Variants in RASGRP1 observed in about 807,000 individuals in gnomAD.
RASGRP1 encodes the protein RAS guanyl releasing protein 1.
A neutral mutation model predicts 95.1 loss-of-function variants in RASGRP1; 37 were observed. The ratio of observed to expected loss-of-function variants is 0.39; its 90% CI spans 0.30 to 0.51. The LOEUF is 0.51. Among genes scored for constraint, RASGRP1 ranks in the 20% least tolerant of loss-of-function variants. The pLI, the probability that RASGRP1 is intolerant of heterozygous loss-of-function variation, is 0.80. For missense variants in RASGRP1, 711 were observed against 965.4 expected (o/e 0.74, Z 3.49); for synonymous variants, 325 against 353.4 (o/e 0.92, Z 0.90).
At chr15:38,546,785 A>G (rs1194411257) in intron 2 of RASGRP1, among the ~76,000 whole-genome samples, 1 of 152,204 alleles carries the variant, frequency 6.6e-6, no homozygotes, top group Non-Finnish European at 1.5e-5. Flanking sequence ...TGGGGAAGAC[A>G]CACGACACTA....
chr15:38,508,342 A>G (rs972666444), intron 8 of RASGRP1, among the ~76,000 whole-genome samples: 1 of 152,184 alleles, frequency 6.6e-6, no homozygotes, highest in Non-Finnish European at 1.5e-5. Context: ...ATATATAGTG[A>G]ACACTATCCC....
intron 1 of RASGRP1, among the ~76,000 whole-genome samples, 200 bp downstream of exon 1, chr15:38,564,394 A>G (rs1893945007): frequency 6.6e-6 from 1 of 151,628 alleles, no homozygotes; most frequent in Non-Finnish European, 1.5e-5. Context: ...CCTCAGCCCC[A>G]GCTCCCTCCC....
At chr15:38,535,733 T>C (rs1892618929) in intron 2 of RASGRP1, among the ~76,000 whole-genome samples, 2 of 152,212 alleles carry the variant, frequency 1.3e-5, no homozygotes, top group African/African-American at 2.4e-5. Flanking sequence ...GGATGAGCAG[T>C]TGAAGTCTAT....
intron 1 of RASGRP1, chr15:38,560,329 C>T: frequency 3.1e-6 from 1 of 325,866 alleles, no homozygotes; most frequent in South Asian, 3.4e-5. Flanking sequence ...GCAATGTATA[C>T]ATTTTTTCAG....
At chr15:38,552,968 A>G (rs1421222282) in intron 2 of RASGRP1, among the ~76,000 whole-genome samples, 1 of 152,250 alleles carries the variant, frequency 6.6e-6, no homozygotes, top group African/African-American at 2.4e-5. Context: ...GCTCTTACAC[A>G]GACCTCTGAC....
intron 6 of RASGRP1, among the ~76,000 whole-genome samples, chr15:38,513,182 T>C (rs1891610023): frequency 6.6e-6 from 1 of 152,226 alleles, no homozygotes. Flanking sequence ...ACATCGAAAG[T>C]TATTAGGAAT....
At chr15:38,546,357 G>C (rs780750781) in intron 2 of RASGRP1, among the ~76,000 whole-genome samples, 1 of 152,032 alleles carries the variant, frequency 6.6e-6, no homozygotes, top group South Asian at 2.1e-4. Context: ...ATTCTGTTGC[G>C]GCTGGGGCTA....
chr15:38,511,811 G>T, intron 7 of RASGRP1, 91 bp from the exon 8 acceptor site: 1 of 880,222 alleles, frequency 1.1e-6, no homozygotes, highest in South Asian at 1.5e-5. Flanking sequence ...TGTGCCGTGA[G>T]TCTCCCTTAC....
chr15:38,512,759 A>G, intron 7 of RASGRP1, 24 bp downstream of exon 7: 2 of 1,613,120 alleles, frequency 1.2e-6, no homozygotes, highest in Non-Finnish European at 1.7e-6. Flanking sequence ...AGCCCAAGCC[A>G]AATGTCTTAA....
chr15:38,557,459 G>C (rs769954510), intron 2 of RASGRP1, among the ~76,000 whole-genome samples: 1 of 152,150 alleles, frequency 6.6e-6, no homozygotes, highest in Non-Finnish European at 1.5e-5. Flanking sequence ...CCCTTGGCCC[G>C]TGAGGGACTT....
intron 3 of RASGRP1, among the ~76,000 whole-genome samples, chr15:38,525,562 G>A (rs1390239020): frequency 1.3e-5 from 2 of 152,110 alleles, no homozygotes; most frequent in Non-Finnish European, 2.9e-5. Flanking sequence ...CAGTCCTGAT[G>A]GTTTTTATTT....
chr15:38,521,719 GC>G (rs1892009127), intron 3 of RASGRP1, among the ~76,000 whole-genome samples: 1 of 152,070 alleles, frequency 6.6e-6, no homozygotes, highest in Non-Finnish European at 1.5e-5. Flanking sequence ...TAGTACTGTG[GC>G]TATAAAGTAC....
intron 16 of RASGRP1, among the ~76,000 whole-genome samples, chr15:38,490,957 A>G (rs1890551300): frequency 6.6e-6 from 1 of 152,212 alleles, no homozygotes; most frequent in Non-Finnish European, 1.5e-5. Flanking sequence ...ATAGGTAGAT[A>G]ATGACAAAAC....
chr15:38,508,173 A>G (rs1173882713), intron 8 of RASGRP1, among the ~76,000 whole-genome samples, 172 bp from the exon 9 acceptor site: 5 of 152,226 alleles, frequency 3.3e-5, no homozygotes, highest in Non-Finnish European at 1.5e-5. Context: ...TTAAAACCTC[A>G]GCTATGTCAA....
intron 1 of RASGRP1, chr15:38,560,229 C>T: frequency 1.8e-6 from 1 of 562,312 alleles, no homozygotes; most frequent in South Asian, 2.0e-5. Flanking sequence ...TGCTCTTCAT[C>T]CTGGCATTAG....
At chr15:38,536,647 G>A (rs1892658482) in intron 2 of RASGRP1, among the ~76,000 whole-genome samples, 1 of 152,170 alleles carries the variant, frequency 6.6e-6, no homozygotes, top group Non-Finnish European at 1.5e-5. Flanking sequence ...AGACCCACAA[G>A]CCTAGATAAT....
intron 1 of RASGRP1, among the ~76,000 whole-genome samples, chr15:38,562,015 TA>T (rs1336174327): frequency 3.3e-5 from 5 of 152,064 alleles, no homozygotes; most frequent in Admixed American, 3.3e-4. Context: ...AAACTGAATC[TA>T]AAAAAGGGTA....
At chr15:38,526,708 G>C (rs945775525) in intron 2 of RASGRP1, among the ~76,000 whole-genome samples, 1 of 152,172 alleles carries the variant, frequency 6.6e-6, no homozygotes, top group Non-Finnish European at 1.5e-5. Flanking sequence ...TCCAGGTTTT[G>C]TGGGGCCTAA....
At chr15:38,536,801 T>A (rs1167017295) in intron 2 of RASGRP1, among the ~76,000 whole-genome samples, 5 of 152,256 alleles carry the variant, frequency 3.3e-5, no homozygotes, top group Admixed American at 3.3e-4. Context: ...TTCTCTGCAA[T>A]GAACAGTCTC....
Sources: allele counts gnomAD v4.1 joint callset (sites outside exome capture counted in the v4.1 genomes callset), GRCh38; gene constraint gnomAD v4.1.1; transcripts MANE v1.5; gene names NCBI Gene and HGNC (gene_info 2026-07-23, HGNC 2026-07-21).